The following CNST variants were observed in gnomAD, a reference collection of about 807,000 sequenced individuals.
CNST encodes consortin.
In CNST, 39 loss-of-function variants were observed where a neutral mutation model predicts 72.4. The observed-to-expected ratio is 0.54, with a 90% CI of 0.42 to 0.70. CNST has a LOEUF of 0.70. Among genes scored for constraint, CNST ranks in the 30% least tolerant of loss-of-function variants. CNST has a pLI of 0.00. For missense variants in CNST, 871 were observed against 868.5 expected (o/e 1.00, Z -0.04); for synonymous variants, 332 against 320.1 (o/e 1.04, Z -0.40).
Position 246,621,541 on chromosome 1 carries a change from G to A in CNST, c.492G>A (p.Glu164=), listed in dbSNP as rs1664092703. ...AAGTAAATGCTAATGAGCAGCCAGA[G>A]GCGCCAAAGCTTGTTCTGCAGTCTC... ...AAEVNANEQP[E]APKLVLQSLF... The change falls in exon 3 of 11, where the codon GAG becomes GAA. Residue 164 remains glutamate (E), a synonymous_variant. Coordinates refer to ENST00000366513, the MANE Select transcript of CNST (RefSeq NM_152609.3). The A allele has an allele frequency of 1.2e-6, 2 of 1,614,070 alleles. No individual in the cohort carries two copies. Among genetic ancestry groups the A allele is most frequent in the African/African-American group, 2.7e-5 (2 of 74,938 alleles).
intron 2 of CNST, among the ~76,000 whole-genome samples, chr1:246,619,230 T>C (rs981077744): frequency 6.6e-6 from 1 of 152,058 alleles, no homozygotes; most frequent in African/African-American, 2.4e-5. Context: ...ATTGGTACCC[T>C]TTTGGTTTTG....
intron 2 of CNST, among the ~76,000 whole-genome samples, chr1:246,597,593 G>A (rs1466911586): frequency 1.3e-5 from 2 of 152,232 alleles, no homozygotes; most frequent in Non-Finnish European, 2.9e-5. Flanking sequence ...GGGAAGGGAA[G>A]ACCTTTCTCA....
chr1:246,641,725 T>G, intron 6 of CNST, 24 bp from the exon 7 acceptor site: 1 of 1,270,392 alleles, frequency 7.9e-7, no homozygotes. Flanking sequence ...TTTAAAATTC[T>G]TTTTTCTTTC....
chr1:246,575,338 GATAA>G (rs1280181180), intron 1 of CNST, among the ~76,000 whole-genome samples: 1 of 152,170 alleles, frequency 6.6e-6, no homozygotes, highest in African/African-American at 2.4e-5. Flanking sequence ...CTGATGAATA[GATAA>G]ATAAAAGGTG....
intron 10 of CNST, among the ~76,000 whole-genome samples, chr1:246,663,441 T>G (rs915351322): frequency 6.6e-6 from 1 of 152,004 alleles, no homozygotes; most frequent in African/African-American, 2.4e-5. Flanking sequence ...TTTTCATACA[T>G]AGGTATAAAC....
At chr1:246,652,099 C>A (rs1558593321) in intron 9 of CNST, among the ~76,000 whole-genome samples, 1 of 152,110 alleles carries the variant, frequency 6.6e-6, no homozygotes, top group Non-Finnish European at 1.5e-5. Context: ...ATTATAATAC[C>A]TATAATACAC....
At chr1:246,659,264 G>C (rs576498921) in intron 9 of CNST, among the ~76,000 whole-genome samples, 7 of 152,200 alleles carry the variant, frequency 4.6e-5, no homozygotes, top group Non-Finnish European at 8.8e-5. Flanking sequence ...CCTTTGGCCT[G>C]TGGGCCATAG....
At chr1:246,642,409 T>C (rs1033259501) in intron 8 of CNST, among the ~76,000 whole-genome samples, 21 of 152,114 alleles carry the variant, frequency 1.4e-4, no homozygotes, top group Non-Finnish European at 2.5e-4. Flanking sequence ...AAACCAACAG[T>C]TATTGTATAC....
At chr1:246,613,466 C>T (rs115473373) in intron 2 of CNST, among the ~76,000 whole-genome samples, 1,895 of 151,712 alleles carry the variant, frequency 0.012, 15 homozygotes, top group Middle Eastern at 0.027. Context: ...AATGGCATAA[C>T]CTTCTCTCAG....
At chr1:246,586,345 A>C (rs1661197687) in intron 1 of CNST, among the ~76,000 whole-genome samples, 1 of 147,860 alleles carries the variant, frequency 6.8e-6, no homozygotes, top group East Asian at 1.9e-4. Flanking sequence ...ACTTTATATG[A>C]GATAAATAAG....
chr1:246,659,399 C>A (rs918546032), intron 9 of CNST, among the ~76,000 whole-genome samples: 1 of 152,164 alleles, frequency 6.6e-6, no homozygotes, highest in Non-Finnish European at 1.5e-5. Context: ...TCGAGACCAT[C>A]CTGGCTAACT....
At chr1:246,624,041 T>A (rs1264615483) in intron 3 of CNST, among the ~76,000 whole-genome samples, 1 of 152,170 alleles carries the variant, frequency 6.6e-6, no homozygotes, top group Non-Finnish European at 1.5e-5. Flanking sequence ...CCAGCCTGGG[T>A]AACAGAGGAA....
chr1:246,625,210 C>T lies in CNST; in HGVS notation c.585+3576C>T, dbSNP rs529364585. ...CACAAATGTTCTGTGCAACTGTTTT[C>T]CCCCAGTGCAGGATTCAGTGCAGGA... is the stretch of plus-strand genomic sequence containing the variant. On this transcript the variant is annotated intron_variant, in intron 3 of 10. Coordinates refer to ENST00000366513, the MANE Select transcript of CNST (RefSeq NM_152609.3). Among the ~76,000 whole-genome samples the T allele has an allele frequency of 2.6e-5, 4 of 152,172 alleles. No homozygotes were observed. In the East Asian group the frequency reaches 7.7e-4, roughly 29 times the overall value.
At chr1:246,664,635 C>T (rs955276575) in intron 10 of CNST, among the ~76,000 whole-genome samples, 1 of 151,816 alleles carries the variant, frequency 6.6e-6, no homozygotes, top group Non-Finnish European at 1.5e-5. Flanking sequence ...ACCGTGTCAG[C>T]CAGGATGGTC....
intron 2 of CNST, among the ~76,000 whole-genome samples, chr1:246,601,665 A>G (rs1662299223): frequency 6.6e-6 from 1 of 152,144 alleles, no homozygotes; most frequent in Non-Finnish European, 1.5e-5. Context: ...GTGGTGGCAC[A>G]TGCCTGTAAT....
intron 9 of CNST, among the ~76,000 whole-genome samples, chr1:246,659,178 G>T (rs1291909363): frequency 6.6e-6 from 1 of 152,242 alleles, no homozygotes; most frequent in African/African-American, 2.4e-5. Flanking sequence ...CCCAGAAGCA[G>T]CTGTGCACAG....
chr1:246,646,567 G>A (rs1172299177), intron 8 of CNST, among the ~76,000 whole-genome samples: 2 of 152,164 alleles, frequency 1.3e-5, no homozygotes, highest in South Asian at 2.1e-4. Flanking sequence ...CGCAGCCTCC[G>A]CCTCCCGGGT....
chr1:246,665,587 C>T (rs1667354635), intron 10 of CNST, 113 bp from the exon 11 acceptor site: 10 of 825,184 alleles, frequency 1.2e-5, no homozygotes, highest in Middle Eastern at 7.2e-4. Flanking sequence ...TACTTCCTAT[C>T]CGTAGAGGAC....
At chr1:246,627,928 A>G (rs190031558) in intron 3 of CNST, among the ~76,000 whole-genome samples, 52 of 151,728 alleles carry the variant, frequency 3.4e-4, no homozygotes, top group African/African-American at 1.2e-3. Context: ...ATTTATATAT[A>G]TAAAGGGGAG....
Sources: gnomAD v4.1 joint callset for allele counts (sites outside exome capture counted in the v4.1 genomes callset) on GRCh38, gnomAD v4.1.1 for gene constraint, MANE v1.5 for transcripts, NCBI Gene and HGNC (gene_info 2026-07-23, HGNC 2026-07-21) for gene names.